The following MGAM variants were observed in gnomAD, a reference collection of about 807,000 sequenced individuals.
MGAM encodes maltase-glucoamylase.
A neutral mutation model predicts 358.8 loss-of-function variants in MGAM; 253 were observed. The observed-to-expected ratio is 0.71, with a 90% confidence interval of 0.64 to 0.78. The LOEUF (loss-of-function observed/expected upper bound fraction) is 0.78. Ranked by LOEUF, MGAM falls within the 30% of genes least tolerant of loss-of-function variation. The probability of loss-of-function intolerance (pLI) is 0.00; values close to 1 mark genes in which losing one functional copy is unlikely to be tolerated. For synonymous variants in MGAM, 1,105 were observed against 1,227.1 expected (o/e 0.90, Z 2.08); for missense variants, 3,080 against 3,432.6 (o/e 0.90, Z 2.57).
chr7:141,989,205 A>G (rs1803833193), intron 2 of MGAM, among the ~76,000 whole-genome samples: 1 of 151,936 alleles, frequency 6.6e-6, no homozygotes, highest in Non-Finnish European at 1.5e-5. Flanking sequence ...GAATCAGTTC[A>G]GTGTGGGATG....
At chr7:141,996,539 G>A (rs1287083425) in intron 1 of MGAM, among the ~76,000 whole-genome samples, 2 of 152,100 alleles carry the variant, frequency 1.3e-5, no homozygotes, top group East Asian at 1.9e-4. Context: ...CTTAGGTTGA[G>A]GTAGCAGGCA....
At chr7:142,094,330 G>T (rs1336919265) in intron 60 of MGAM, 34 bp from the exon 61 acceptor site, 1 of 1,498,102 alleles carries the variant, frequency 6.7e-7, no homozygotes, top group East Asian at 2.5e-5. Context: ...TCCTGGCGGT[G>T]CCCTCAGTTC....
In MGAM at chr7:142,056,146, G is replaced by A. The variant is rs540452818; in HGVS notation, c.3580+50G>A. 1.2e-4 allele frequency: 180 copies of A among 1,521,172 alleles called. 4 individuals are homozygous for A. In the South Asian group the frequency reaches 2.1e-3, roughly 18 times the overall value. 94.2% of individuals were successfully genotyped at this position (1,521,172 alleles called of 1,614,324 possible). A position where few individuals can be genotyped will look rare whatever the true frequency, so the allele number is the denominator to read the frequency against. ...TTTTGGGGGGATACCAATCATGCCT[G>A]AGTCAATTTACAATGTGTTTAGCCT... On this transcript the variant is annotated intron_variant, in intron 29 of 70. Coordinates refer to ENST00000475668, the MANE Select transcript of MGAM (RefSeq NM_001365693.1).
Position 142,008,592 on chromosome 7 carries a change from A to T in MGAM, c.214A>T (p.Thr72Ser), listed in dbSNP as rs1563107020. ...PGTTGTTHAR[T>S]TGPPDPGTTG... ...AACAACTGGTACCACACATGCTAGGACAACGGGTCCCCCAGATCCTGGAAC... is the reference window on the plus strand; with the variant it reads ...AACAACTGGTACCACACATGCTAGGTCAACGGGTCCCCCAGATCCTGGAAC... The change falls in exon 3 of 71, where the codon ACA (threonine) becomes TCA (serine). Residue 72 changes from threonine (T) to serine (S), a missense_variant. Thr to Ser is a moderately conservative substitution (Grantham distance 58). Transcript: ENST00000475668. The T allele has an allele frequency of 6.2e-7, 1 of 1,613,208 alleles. No individual in the cohort carries two copies. The highest frequency in any genetic ancestry group is 1.7e-5 in the Admixed American group (1 of 59,896).
At chr7:142,077,367 AAC>A (rs1813833148) in intron 47 of MGAM, among the ~76,000 whole-genome samples, 1 of 145,386 alleles carries the variant, frequency 6.9e-6, no homozygotes, top group Admixed American at 7.0e-5. Context: ...GGACTAGTAG[AAC>A]AGGGAAGTAC....
At chr7:142,062,846 G>C in intron 35 of MGAM, 144 bp downstream of exon 35, 2 of 1,408,306 alleles carry the variant, frequency 1.4e-6, no homozygotes, top group Non-Finnish European at 1.9e-6. Flanking sequence ...CCTCTCAGGA[G>C]AGGAACTGCC....
chr7:142,100,199 G>A (rs945834243), intron 67 of MGAM, among the ~76,000 whole-genome samples: 2 of 152,190 alleles, frequency 1.3e-5, no homozygotes, highest in Non-Finnish European at 2.9e-5. Context: ...ATGAATATGG[G>A]CATTTCCATG....
rs752829999 is a variant in MGAM at position 142,094,527 on chromosome 7, G to A, written c.7306+30G>A. 24 of 1,554,182 alleles carry A rather than the reference G, an allele frequency of 1.5e-5. 2 individuals are homozygous for A. Among genetic ancestry groups the A allele is most frequent in the South Asian group, 1.2e-4 (11 of 88,822 alleles). On this transcript the variant is annotated intron_variant, in intron 61 of 70. Transcript: ENST00000475668. ...GTGGGTCCTTCCCAGGGCCTGTGCC[G>A]GTAGGGCAGGGAGTTGGGATCCTTG...
chr7:142,094,151 A>G lies in MGAM; in HGVS notation c.7173-213A>G, dbSNP rs191447301. Among the ~76,000 whole-genome samples, 119 of 146,364 alleles carry G rather than the reference A, an allele frequency of 8.1e-4. 7 individuals carry two copies. The highest frequency in any genetic ancestry group is 2.7e-3 in the African/African-American group (111 of 41,266). On this transcript the variant is annotated intron_variant, in intron 60 of 70. Transcript: ENST00000475668. ...TTTGGGGCACTCCAGTGAGTTTGCT[A>G]CAGTGAAGTTCTTTGTAAAGCACTG...
At chr7:142,039,424 A>G (rs1808305495) in intron 19 of MGAM, among the ~76,000 whole-genome samples, 1 of 151,968 alleles carries the variant, frequency 6.6e-6, no homozygotes, top group South Asian at 2.1e-4. Flanking sequence ...AAACAACCAA[A>G]TCTTACAAGA....
rs1446650005 is a variant in MGAM, at chr7:142,067,397, C to G, written c.4976C>G (p.Ala1659Gly). The change falls in exon 42 of 71, where the codon GCC becomes GGC. Residue 1659 changes from alanine (A) to glycine (G), a missense_variant. Physicochemically the swap from Ala to Gly is moderately conservative, Grantham distance 60. This residue lies in a region of MGAM where 932 missense variants were observed against 1,198.2 expected (regional missense o/e 0.78). Coordinates refer to ENST00000475668, the MANE Select transcript of MGAM (RefSeq NM_001365693.1). ...DIDSQFLLGP[A>G]FLVSPVLERN... ...GACAGTCAGTTCCTGCTGGGCCCAG[C>G]CTTCCTGGTCAGCCCTGTCCTGGAG... 1.9e-6 allele frequency: 3 copies of G among 1,551,908 alleles called. No homozygotes were observed. In the African/African-American group the frequency reaches 4.0e-5, roughly 21 times the overall value.
chr7:142,058,121 G>A, intron 30 of MGAM, 82 bp from the exon 31 acceptor site: 2 of 1,592,812 alleles, frequency 1.3e-6, no homozygotes, highest in South Asian at 2.3e-5. Flanking sequence ...TTGGGGCACA[G>A]AAAAATATTC....
chr7:142,074,027 C>T, intron 44 of MGAM, 58 bp from the exon 45 acceptor site: 1 of 1,207,722 alleles, frequency 8.3e-7, no homozygotes, highest in African/African-American at 1.4e-5. Flanking sequence ...ATATTCTCAG[C>T]CCAGTTGGCA....
At position 142,054,758 on chromosome 7, in the gene MGAM, A is replaced by C. The variant is rs750720862; in HGVS notation, c.3164A>C (p.Tyr1055Ser). The change falls in exon 27 of 71, where the codon TAT becomes TCT. Residue 1055 changes from tyrosine to serine, a missense_variant. By Grantham distance (144) the Tyr-to-Ser change is moderately radical. Transcript: ENST00000475668. Reference protein sequence around the residue: ...HKNEMLQFKIYDPNKNRYEVP... With the variant: ...HKNEMLQFKISDPNKNRYEVP... The stretch of plus-strand genomic sequence containing the variant: ...AATTGATTTCCTCTGGCCTAGATTT[A>C]TGATCCCAACAAGAATCGGTATGAA... 1.9e-6 allele frequency: 3 copies of C among 1,613,858 alleles called. No homozygotes were observed.
At chr7:142,000,516 T>A (rs1367619395) in intron 1 of MGAM, among the ~76,000 whole-genome samples, 1 of 152,182 alleles carries the variant, frequency 6.6e-6, no homozygotes, top group Non-Finnish European at 1.5e-5. Context: ...CAGCTCATCC[T>A]CAGAGGGTGA....
At chr7:142,000,902 T>C (rs1270423201) in intron 1 of MGAM, among the ~76,000 whole-genome samples, 1 of 152,206 alleles carries the variant, frequency 6.6e-6, no homozygotes, top group Non-Finnish European at 1.5e-5. Flanking sequence ...CATAGTGTGT[T>C]AATAAACACT....
chr7:142,044,163 T>G lies in MGAM; in HGVS notation c.2498+3317T>G. Among the ~76,000 whole-genome samples, 2 of 143,240 alleles carry G rather than the reference T, an allele frequency of 1.4e-5. 1 individual carries two copies. 94.0% of individuals were successfully genotyped at this position (143,240 alleles called of 152,430 possible). A position where few individuals can be genotyped will look rare whatever the true frequency, so the allele number is the denominator to read the frequency against. ...CATTATATACACATACGACGTATAA[T>G]ATATACATTATATACACATACGACA... On this transcript the variant is annotated intron_variant, in intron 21 of 70. Transcript: ENST00000475668.
Position 142,030,648 on chromosome 7 carries a change from C to T in MGAM, c.1361C>T (p.Ala454Val), listed in dbSNP as rs1373296368. The T allele has an allele frequency of 1.9e-6, 3 of 1,611,396 alleles. No individual in the cohort carries two copies. Among genetic ancestry groups the T allele is most frequent in the African/African-American group, 2.7e-5 (2 of 74,952 alleles). The change falls in exon 12 of 71, where the codon GCC (alanine) becomes GTC (valine). Residue 454 changes from alanine (A) to valine (V), a missense_variant. Around this residue, in one of 5 missense-constraint regions of MGAM, gnomAD observed 1,816 missense variants for 1,840.5 expected, o/e 0.99. Transcript: ENST00000475668. Reference protein sequence around the residue: ...GQKLVIIVDPAISNNSSSSKP... With the variant: ...GQKLVIIVDPVISNNSSSSKP... Reference sequence around the variant, plus strand: ...TATTCTTCCTATTTTTAGGATCCAGCCATCTCCAACAACTCTTCCTCAAGT... The same window carrying T: ...TATTCTTCCTATTTTTAGGATCCAGTCATCTCCAACAACTCTTCCTCAAGT...
At chr7:142,094,966 T>A (rs1389096801) in intron 63 of MGAM, 103 bp downstream of exon 63, 183 of 357,944 alleles carry the variant, frequency 5.1e-4, no homozygotes, top group Admixed American at 1.3e-3. Context: ...CTTTAAAATT[T>A]TTTTTTTTTT....
Sources: gnomAD v4.1 joint callset for allele counts (sites outside exome capture counted in the v4.1 genomes callset) on GRCh38, gnomAD v4.1.1 for gene constraint, gnomAD v4.1.1 regional missense constraint, MANE v1.5 for transcripts, NCBI Gene and HGNC (gene_info 2026-07-23, HGNC 2026-07-21) for gene names.